Variants in RSPO4 observed in about 807,000 individuals in gnomAD.
The protein encoded by RSPO4 is R-spondin 4, also known as R-spondin-4.
A neutral mutation model predicts 24.8 loss-of-function variants in RSPO4; 23 were observed. The observed-to-expected ratio is 0.93, with a 90% confidence interval of 0.67 to 1.31. The LOEUF (loss-of-function observed/expected upper bound fraction) is 1.31. Ranked by LOEUF, RSPO4 falls within the 40% of genes most tolerant of loss-of-function variation. The pLI is 0.00. For missense variants in RSPO4, 333 were observed against 316.5 expected, an observed-to-expected ratio of 1.05 and a Z score of -0.39; for synonymous variants, 141 against 127.4, an observed-to-expected ratio of 1.11 and a Z score of -0.72.
At chr20:993,450 G>GA (rs977323448) in intron 1 of RSPO4, among the ~76,000 whole-genome samples, 5 of 152,116 alleles carry the variant, frequency 3.3e-5, no homozygotes, top group Admixed American at 1.3e-4. Context: ...ACCGGGCTAG[G>GA]AAAAAAAGCT....
chr20:972,797 G>A (rs946794836), intron 1 of RSPO4, among the ~76,000 whole-genome samples: 2 of 152,232 alleles, frequency 1.3e-5, no homozygotes, highest in Admixed American at 1.3e-4. Flanking sequence ...GCCCTGCGCT[G>A]TGCCTTGGCG....
At chr20:991,151 G>A (rs917145864) in intron 1 of RSPO4, among the ~76,000 whole-genome samples, 2 of 152,124 alleles carry the variant, frequency 1.3e-5, no homozygotes, top group Non-Finnish European at 2.9e-5. Context: ...ACATTGCCCG[G>A]GCTGGCCTCG....
intron 1 of RSPO4, among the ~76,000 whole-genome samples, chr20:988,081 AG>A (rs1984977909): frequency 6.6e-6 from 1 of 152,252 alleles, no homozygotes; most frequent in Non-Finnish European, 1.5e-5. Context: ...CTCTTGGCGG[AG>A]GGACCAGTGG....
chr20:1,000,469 C>T (rs939032431), intron 1 of RSPO4, among the ~76,000 whole-genome samples: 11 of 152,178 alleles, frequency 7.2e-5, no homozygotes, highest in Non-Finnish European at 1.5e-5. Context: ...GTGTCCTTAG[C>T]TACTCATCTT....
At chr20:997,990 G>GC (rs997364783) in intron 1 of RSPO4, among the ~76,000 whole-genome samples, 4 of 152,196 alleles carry the variant, frequency 2.6e-5, no homozygotes, top group African/African-American at 4.8e-5. Context: ...TGTGCCTTTG[G>GC]CCCCCTTCCC....
Position 972,643 on chromosome 20 carries a change from G to A in RSPO4, c.80-4505C>T, listed in dbSNP as rs143350775. Among the ~76,000 whole-genome samples the A allele has an allele frequency of 1.4e-3, 206 of 152,328 alleles. 1 individual carries two copies. Among genetic ancestry groups the A allele is most frequent in the Non-Finnish European group, 2.1e-3 (146 of 68,026 alleles). On this transcript the variant is annotated intron_variant, in intron 1 of 4. Transcript: ENST00000217260. The stretch of plus-strand genomic sequence containing the variant: ...CTGTATTAACCCAGGGCTGCCCACC[G>A]CCGAGATTCTTTCCTGGGGAAGGGA...
intron 1 of RSPO4, among the ~76,000 whole-genome samples, chr20:977,118 A>T (rs1257573849): frequency 6.6e-6 from 1 of 152,242 alleles, no homozygotes; most frequent in Non-Finnish European, 1.5e-5. Context: ...AATGTAGAGC[A>T]GGGGTTCTCA....
At position 987,612 on chromosome 20, in the gene RSPO4, C is replaced by G. The variant is rs149719554; in HGVS notation, c.79+14474G>C. ...ACCAGCCTGGGCAACATAGTGAGAC[C>G]CTTATCTCTATGAAAATAAAAAAAA... On this transcript the variant is annotated intron_variant, in intron 1 of 4. Transcript: ENST00000217260. 4.0e-5 allele frequency among the ~76,000 whole-genome samples: 6 copies of G among 151,878 alleles called. No homozygotes were observed. In the East Asian group the frequency reaches 7.7e-4, roughly 20 times the overall value.
At chr20:961,404 C>T (rs1983994240) in intron 4 of RSPO4, among the ~76,000 whole-genome samples, 1 of 152,232 alleles carries the variant, frequency 6.6e-6, no homozygotes, top group Admixed American at 6.5e-5. Context: ...ACCCTCTGAG[C>T]CTAGTGGCAA....
chr20:964,837 T>C (rs562533986), intron 3 of RSPO4, among the ~76,000 whole-genome samples: 8,468 of 141,316 alleles, frequency 0.06, 917 homozygotes, highest in African/African-American at 0.24. Context: ...CACACATATA[T>C]ATATATATAT....
At chr20:962,776 T>A (rs1425202091) in intron 4 of RSPO4, among the ~76,000 whole-genome samples, 1 of 152,166 alleles carries the variant, frequency 6.6e-6, no homozygotes, top group African/African-American at 2.4e-5. Flanking sequence ...AGGTCCCTCA[T>A]CCTTCATCAT....
intron 1 of RSPO4, among the ~76,000 whole-genome samples, chr20:1,000,552 A>AT (rs779616093): frequency 3.3e-5 from 5 of 152,126 alleles, no homozygotes; most frequent in South Asian, 2.1e-4. Flanking sequence ...GGTTTGTTTG[A>AT]TTTTTTGGTA....
chr20:1,001,954 C>CGAAG, intron 1 of RSPO4, 132 bp downstream of exon 1: 1 of 710,528 alleles, frequency 1.4e-6, no homozygotes. Context: ...GGTTGAGACT[C>CGAAG]GTCTGGAGGA....
At chr20:965,095 GAGC>G (rs1984152117) in intron 3 of RSPO4, among the ~76,000 whole-genome samples, 1 of 152,136 alleles carries the variant, frequency 6.6e-6, no homozygotes, top group Non-Finnish European at 1.5e-5. Flanking sequence ...GGTGCTGAGG[GAGC>G]AGCAGCAGAC....
chr20:980,834 C>T (rs959947456), intron 1 of RSPO4, among the ~76,000 whole-genome samples: 11 of 152,116 alleles, frequency 7.2e-5, no homozygotes, highest in Admixed American at 7.2e-4. Context: ...GTTGTTTTAA[C>T]GTTTATGGTG....
In RSPO4 at chr20:960,060, GACAGGAAGAAAC is replaced by G. The variant is rs1321961844; in HGVS notation, c.*285_*296del. 2.5e-5 allele frequency: 12 copies of G among 478,552 alleles called. No individual in the cohort carries two copies. The highest frequency in any genetic ancestry group is 4.2e-5 in the Non-Finnish European group (11 of 264,680). The allele number at this position is 478,552 out of a possible 1,614,324, so 29.6% of individuals were successfully genotyped here. A position where few individuals can be genotyped will look rare whatever the true frequency, so the allele number is the denominator to read the frequency against. ...GGAGAGAGAGAAGGATGCGGTGAAG[GACAGGAAGAAAC>G]ACAGGAAGAAAGAAAAGGAAAGATA... On this transcript the variant is annotated 3_prime_UTR_variant, in exon 5 of 5. Transcript: ENST00000217260.
chr20:990,537 C>CT (rs1985066995), intron 1 of RSPO4, among the ~76,000 whole-genome samples: 3 of 149,938 alleles, frequency 2.0e-5, no homozygotes, highest in African/African-American at 7.4e-5. Context: ...TCCTTCCTTT[C>CT]TTTTTCTTTC....
At chr20:971,933 T>C (rs2122224631) in intron 1 of RSPO4, among the ~76,000 whole-genome samples, 1 of 152,290 alleles carries the variant, frequency 6.6e-6, no homozygotes, top group South Asian at 2.1e-4. Flanking sequence ...ATCCTCAAGC[T>C]GAGGTCTTGA....
intron 1 of RSPO4, among the ~76,000 whole-genome samples, chr20:983,636 T>C (rs1174027791): frequency 6.6e-6 from 1 of 152,240 alleles, no homozygotes; most frequent in Non-Finnish European, 1.5e-5. Flanking sequence ...CTAGCTTCTC[T>C]GAGCATTGGT....
Sources: allele counts gnomAD v4.1 joint callset (sites outside exome capture counted in the v4.1 genomes callset), GRCh38; gene constraint gnomAD v4.1.1; transcripts MANE v1.5; gene names NCBI Gene and HGNC (gene_info 2026-07-23, HGNC 2026-07-21).